AGAP1: variants seen among roughly 807,000 people sequenced by gnomAD.
AGAP1 encodes arf-GAP with GTPase, ANK repeat and PH domain-containing protein 1.
In AGAP1, 29 loss-of-function variants were observed where a neutral mutation model predicts 105.3. The ratio of observed to expected loss-of-function variants is 0.28; its 90% CI spans 0.21 to 0.38. AGAP1 has a LOEUF of 0.38. AGAP1 is among the 10% of genes least tolerant of loss of function. AGAP1 has a pLI of 1.00. For synonymous variants in AGAP1, 509 were observed against 485.9 expected (o/e 1.05, Z -0.63); for missense variants, 998 against 1,165.1 (o/e 0.86, Z 2.09).
intron 9 of AGAP1, among the ~76,000 whole-genome samples, chr2:235,832,768 G>T (rs1177095935): frequency 2.6e-5 from 4 of 152,190 alleles, no homozygotes; most frequent in Non-Finnish European, 5.9e-5. Context: ...TGAGCCTTGG[G>T]AGTGAAGGGA....
At position 236,114,366 on chromosome 2, in the gene AGAP1, G is replaced by A. The variant is rs6713020; in HGVS notation, c.2115-5826G>A. 6.6e-6 allele frequency among the ~76,000 whole-genome samples: 1 copy of A among 152,264 alleles called. No individual in the cohort carries two copies. The highest frequency in any genetic ancestry group is 1.5e-5 in the Non-Finnish European group (1 of 68,044). On this transcript the variant is annotated intron_variant, in intron 16 of 17. Transcript: ENST00000304032. This position sits in a 1 kb window ranked among gnomAD's most constrained non-coding sequence, Gnocchi z 5.0. The stretch of plus-strand genomic sequence containing the variant: ...CTAGACGGAATAGTCTCATCGAGAA[G>A]AAGCCATTGTCAGCGTGTCCCTTGG...
intron 1 of AGAP1, among the ~76,000 whole-genome samples, chr2:235,495,675 G>C (rs1040929820): frequency 3.3e-5 from 5 of 152,230 alleles, no homozygotes; most frequent in South Asian, 2.1e-4. Flanking sequence ...TCTGCCTTCC[G>C]GGGCTGTGCC....
In AGAP1 at chr2:236,124,151, AC is replaced by A. The variant is rs34093302; in HGVS notation, c.*31del. ...ACAGCCGTGCCCGCCTGCTCGCCGC[AC>A]CTGGGACGCGGCAGCCTCGCCGCAT... On this transcript the variant is annotated 3_prime_UTR_variant, in exon 18 of 18. Coordinates refer to ENST00000304032, the MANE Select transcript of AGAP1 (RefSeq NM_001037131.3). The surrounding 1 kb of genome is among the most constrained non-coding windows in gnomAD (Gnocchi z 5.1). The A allele has an allele frequency of 6.2e-7, 1 of 1,606,670 alleles. No individual in the cohort carries two copies. The highest frequency in any genetic ancestry group is 8.5e-7 in the Non-Finnish European group (1 of 1,174,454).
chr2:235,679,634 A>G (rs1035810513), intron 1 of AGAP1, among the ~76,000 whole-genome samples: 2 of 152,194 alleles, frequency 1.3e-5, no homozygotes, highest in African/African-American at 4.8e-5. Flanking sequence ...TTCCTGGTAC[A>G]AGCCAAATAT....
In AGAP1 at chr2:235,494,438, G is replaced by T. The variant is rs1206219828; in HGVS notation, c.-249G>T. 7.0e-6 allele frequency: 1 copy of T among 143,702 alleles called. No homozygotes were observed. The highest frequency in any genetic ancestry group is 1.5e-5 in the Non-Finnish European group (1 of 64,728). The allele number at this position is 143,702 out of a possible 1,614,324, so 8.9% of individuals were successfully genotyped here. A position where few individuals can be genotyped will look rare whatever the true frequency, so the allele number is the denominator to read the frequency against. The stretch of plus-strand genomic sequence containing the variant: ...CGCTCCATGGGGGCGCGCTCCCCCC[G>T]GGCGGCCCGCTGACCCGGGACGCCG... On this transcript the variant is annotated 5_prime_UTR_variant, in exon 1 of 18. Coordinates refer to ENST00000304032, the MANE Select transcript of AGAP1 (RefSeq NM_001037131.3).
chr2:236,022,725 G>A (rs1276991081), intron 13 of AGAP1, among the ~76,000 whole-genome samples: 1 of 152,148 alleles, frequency 6.6e-6, no homozygotes, highest in African/African-American at 2.4e-5. Flanking sequence ...GGTAGAGATG[G>A]AATTTTGCCA....
intron 1 of AGAP1, among the ~76,000 whole-genome samples, chr2:235,653,982 G>A (rs1157686461): frequency 6.6e-6 from 1 of 152,184 alleles, no homozygotes; most frequent in South Asian, 2.1e-4. Flanking sequence ...CTTAAACCCG[G>A]GAGGCGGAGA....
intron 13 of AGAP1, among the ~76,000 whole-genome samples, chr2:236,021,492 C>T (rs942417058): frequency 9.9e-5 from 15 of 152,202 alleles, no homozygotes; most frequent in South Asian, 2.1e-4. Context: ...ATTAGGAGTC[C>T]GAGGGGACCT....
chr2:235,542,644 AAT>A (rs1195451968), intron 1 of AGAP1, among the ~76,000 whole-genome samples: 3 of 152,384 alleles, frequency 2.0e-5, no homozygotes, highest in Middle Eastern at 3.4e-3. Flanking sequence ...ATCATTTCAA[AAT>A]ATAGACTGTT....
chr2:235,672,623 G>A (rs1047814879), intron 1 of AGAP1, among the ~76,000 whole-genome samples: 3 of 152,248 alleles, frequency 2.0e-5, no homozygotes, highest in African/African-American at 7.2e-5. Context: ...TTCAGAGGAA[G>A]TTAAGACCTG....
In AGAP1 at chr2:235,614,413, G is replaced by T. The variant is rs1046332558; in HGVS notation, c.164-94766G>T. ...GAGTGTGTGTCATCCCAGAGGAGCA[G>T]CAGCAAACGGCCTGTGATGGGCTGG... is the stretch of plus-strand genomic sequence containing the variant. On this transcript the variant is annotated intron_variant, in intron 1 of 17. Coordinates refer to ENST00000304032, the MANE Select transcript of AGAP1 (RefSeq NM_001037131.3). This position sits in a 1 kb window ranked among gnomAD's most constrained non-coding sequence, Gnocchi z 4.7. 1.3e-5 allele frequency among the ~76,000 whole-genome samples: 2 copies of T among 152,166 alleles called. No individual in the cohort carries two copies. The highest frequency in any genetic ancestry group is 2.9e-5 in the Non-Finnish European group (2 of 68,038).
At chr2:235,592,513 G>A (rs148042232) in intron 1 of AGAP1, among the ~76,000 whole-genome samples, 1,549 of 152,202 alleles carry the variant, frequency 0.01, 7 homozygotes, top group Non-Finnish European at 0.014. Context: ...GGCTGACTCC[G>A]GGCTTGCGGC....
chr2:235,813,019 C>T (rs907631643), intron 9 of AGAP1, among the ~76,000 whole-genome samples: 109 of 152,180 alleles, frequency 7.2e-4, no homozygotes, highest in Admixed American at 2.9e-3. Flanking sequence ...AGCCCAGTTA[C>T]GATGATTAAT....
At chr2:235,876,623 C>G (rs2049746371) in intron 9 of AGAP1, among the ~76,000 whole-genome samples, 1 of 152,218 alleles carries the variant, frequency 6.6e-6, no homozygotes, top group Admixed American at 6.5e-5. Flanking sequence ...CCTGTACTCT[C>G]TGGCTCAGTG....
chr2:235,518,517 A>G (rs937460856), intron 1 of AGAP1, among the ~76,000 whole-genome samples: 1 of 152,122 alleles, frequency 6.6e-6, no homozygotes, highest in African/African-American at 2.4e-5. Flanking sequence ...TCTGTTTCTG[A>G]CAAAGAGCCA....
intron 9 of AGAP1, among the ~76,000 whole-genome samples, chr2:235,829,600 G>T (rs537948018): frequency 1.3e-5 from 2 of 152,326 alleles, no homozygotes; most frequent in African/African-American, 4.8e-5. Context: ...CATGATGTTA[G>T]CTTGTTATAT....
intron 13 of AGAP1, among the ~76,000 whole-genome samples, chr2:235,980,244 A>G (rs999919263): frequency 2.6e-5 from 4 of 152,244 alleles, no homozygotes; most frequent in African/African-American, 9.6e-5. Context: ...ATAGTCGGAA[A>G]CATTGATGGC....
At position 236,101,118 on chromosome 2, in the gene AGAP1, A is replaced by G. The variant is rs914807706; in HGVS notation, c.2115-19074A>G. On this transcript the variant is annotated intron_variant, in intron 16 of 17. Coordinates refer to ENST00000304032, the MANE Select transcript of AGAP1 (RefSeq NM_001037131.3). The surrounding 1 kb of genome is among the most constrained non-coding windows in gnomAD (Gnocchi z 4.9). The stretch of plus-strand genomic sequence containing the variant: ...TATTTTGAAAAAAGTCAAAATCCAA[A>G]TTGATTTTCAATGTGTTTCCCTTTG... Among the ~76,000 whole-genome samples the G allele has an allele frequency of 1.1e-4, 16 of 152,200 alleles. No homozygotes were observed. The highest frequency in any genetic ancestry group is 2.1e-4 in the South Asian group (1 of 4,818).
chr2:235,682,009 C>G (rs1280701343), intron 1 of AGAP1, among the ~76,000 whole-genome samples: 1 of 151,858 alleles, frequency 6.6e-6, no homozygotes, highest in Non-Finnish European at 1.5e-5. Context: ...GCCACCACGC[C>G]CAGCTAATTT....
Sources: gnomAD v4.1 joint callset for allele counts (sites outside exome capture counted in the v4.1 genomes callset) on GRCh38, gnomAD v4.1.1 for gene constraint, Gnocchi (gnomAD v3.1) non-coding constraint, MANE v1.5 for transcripts, NCBI Gene and HGNC (gene_info 2026-07-23, HGNC 2026-07-21) for gene names.